IL2RB: variants seen among roughly 807,000 people sequenced by gnomAD.
IL2RB encodes the protein interleukin 2 receptor subunit beta.
In IL2RB, 17 loss-of-function variants were observed where a neutral mutation model predicts 44.2. The ratio of observed to expected loss-of-function variants is 0.38; its 90% CI spans 0.26 to 0.58. The LOEUF is 0.58. IL2RB is among the 20% of genes least tolerant of loss of function. The pLI, the probability that IL2RB is intolerant of heterozygous loss-of-function variation, is 0.63. For synonymous variants in IL2RB, 286 were observed against 297.9 expected, an observed-to-expected ratio of 0.96 and a Z score of 0.41; for missense variants, 624 against 685.5, an observed-to-expected ratio of 0.91 and a Z score of 1.00.
chr22:37,149,884 C>A lies in IL2RB; in HGVS notation c.-93G>T, dbSNP rs1013698285. The A allele has an allele frequency of 9.1e-6, 9 of 985,508 alleles. No homozygotes were observed. Among genetic ancestry groups the A allele is most frequent in the Non-Finnish European group, 1.1e-5 (9 of 830,174 alleles). The allele number at this position is 985,508 out of a possible 1,614,324, so 61.0% of individuals were successfully genotyped here. ...CTCCAGTCCTCCCCGGTGCTGGGAC[C>A]GTGGCCATCTCTCCAGGGCCCTGCT... is the stretch of plus-strand genomic sequence containing the variant. On this transcript the variant is annotated 5_prime_UTR_variant, in exon 1 of 10. Coordinates refer to ENST00000216223, the MANE Select transcript of IL2RB (RefSeq NM_000878.5).
Position 37,128,637 on chromosome 22 carries a change from G to C in IL2RB, c.1115C>G (p.Ala372Gly), listed in dbSNP as rs1421215107. 2 of 1,614,132 alleles carry C rather than the reference G, an allele frequency of 1.2e-6. No homozygotes were observed. Residue 372 changes from alanine (A) to glycine (G), a missense_variant, in exon 10 of 10, where the codon GCC (alanine) becomes GGC (glycine). Physicochemically the swap from Ala to Gly is moderately conservative, Grantham distance 60. This residue lies in a region of IL2RB where 291 missense variants were observed against 275.5 expected (regional missense o/e 1.06). Transcript: ENST00000216223. The surrounding 1 kb of genome is among the most constrained non-coding windows in gnomAD (Gnocchi z 4.5). ...QGYFFFHLPDALEIEACQVYF... is the reference protein window; with the variant it reads ...QGYFFFHLPDGLEIEACQVYF... ...CACCTGGCAGGCCTCTATCTCCAAG[G>C]CATCCGGGAGGTGGAAGAAGAAGTA...
Position 37,128,657 on chromosome 22 carries a change from G to A in IL2RB, c.1095C>T (p.Phe365=). The A allele has an allele frequency of 6.2e-7, 1 of 1,614,186 alleles. No individual in the cohort carries two copies. Among genetic ancestry groups the A allele is most frequent in the Non-Finnish European group, 8.5e-7 (1 of 1,179,998 alleles). Reference sequence around the variant, plus strand: ...CCAAGGCATCCGGGAGGTGGAAGAAGAAGTAACCCTGGTTGGTGAAGCAGC... The same window carrying A: ...CCAAGGCATCCGGGAGGTGGAAGAAAAAGTAACCCTGGTTGGTGAAGCAGC... ...LTSCFTNQGY[F]FFHLPDALEI... Residue 365 remains phenylalanine (F), a synonymous_variant, in exon 10 of 10, where the codon TTC becomes TTT. Transcript: ENST00000216223. The surrounding 1 kb of genome is among the most constrained non-coding windows in gnomAD (Gnocchi z 4.5).
At chr22:37,149,440 G>T (rs2146252931) in intron 1 of IL2RB, among the ~76,000 whole-genome samples, 1 of 152,282 alleles carries the variant, frequency 6.6e-6, no homozygotes, top group East Asian at 1.9e-4. Flanking sequence ...GGTCAGGAGG[G>T]GGCTCCCGCC....
chr22:37,134,021 C>T (rs3218358), intron 8 of IL2RB, among the ~76,000 whole-genome samples: 113 of 152,194 alleles, frequency 7.4e-4, no homozygotes, highest in African/African-American at 2.4e-3. Context: ...GCCCTGGCCA[C>T]GCCCCAGCCA....
At chr22:37,144,232 A>T (rs1922121350) in intron 1 of IL2RB, 27 bp from the exon 2 acceptor site, 10 of 1,516,060 alleles carry the variant, frequency 6.6e-6, no homozygotes, top group Non-Finnish European at 8.9e-6. Flanking sequence ...AAGAGAGAGC[A>T]CACGTAAATA....
intron 5 of IL2RB, 120 bp downstream of exon 5, chr22:37,138,997 G>T: frequency 1.5e-6 from 1 of 672,530 alleles, no homozygotes; most frequent in Non-Finnish European, 2.7e-6. Context: ...GCGGTGAGGT[G>T]ATCAGATGTG....
At chr22:37,132,031 G>A (rs1442191412) in intron 9 of IL2RB, among the ~76,000 whole-genome samples, 3 of 152,172 alleles carry the variant, frequency 2.0e-5, no homozygotes, top group Non-Finnish European at 4.4e-5. Context: ...ACTGCACCCA[G>A]CCTGATAGGG....
upstream of IL2RB, chr22:37,150,140 T>G (rs896330550): frequency 7.9e-6 from 1 of 127,120 alleles, no homozygotes; most frequent in Non-Finnish European, 1.7e-5. Flanking sequence ...AGACACACAT[T>G]GTCAAATAGG....
At chr22:37,136,684 C>T (rs1398757503) in intron 6 of IL2RB, among the ~76,000 whole-genome samples, 7 of 152,100 alleles carry the variant, frequency 4.6e-5, no homozygotes, top group Non-Finnish European at 8.8e-5. Context: ...CCTGAGCTGC[C>T]GCCCTCTCCC....
At chr22:37,144,997 A>G (rs1480104273) in intron 1 of IL2RB, among the ~76,000 whole-genome samples, 1 of 152,214 alleles carries the variant, frequency 6.6e-6, no homozygotes, top group African/African-American at 2.4e-5. Context: ...CAAACAAGTG[A>G]TGGAATAAAT....
chr22:37,148,676 C>A (rs1266322104), intron 1 of IL2RB, among the ~76,000 whole-genome samples: 3 of 152,136 alleles, frequency 2.0e-5, no homozygotes, highest in African/African-American at 4.8e-5. Context: ...GGTAGTTCAG[C>A]TTTTAGCCCT....
At chr22:37,173,395 C>T (rs567148081) in intron 1 of IL2RB, among the ~76,000 whole-genome samples, 1 of 152,116 alleles carries the variant, frequency 6.6e-6, no homozygotes, top group African/African-American at 2.4e-5. Context: ...AGGGCCAAGC[C>T]TATAGAATAG....
intron 1 of IL2RB, among the ~76,000 whole-genome samples, chr22:37,174,010 T>TCCCCA (rs1923370838): frequency 6.6e-6 from 1 of 152,118 alleles, no homozygotes; most frequent in Admixed American, 6.5e-5. Context: ...CAACAGCTTC[T>TCCCCA]CCCCACCCCA....
At chr22:37,135,831 C>A (rs556044634) in intron 7 of IL2RB, among the ~76,000 whole-genome samples, 2 of 152,254 alleles carry the variant, frequency 1.3e-5, no homozygotes, top group East Asian at 3.9e-4. Flanking sequence ...GGACAGGCGC[C>A]CAGCAGACCT....
Position 37,137,710 on chromosome 22 carries a change from G to A in IL2RB, c.414C>T (p.Leu138=), listed in dbSNP as rs763434888. ...TGTGGGTCTCCACGTGGACAACTTGGAGGGAGATGGGGGCCATCAGGCGAA... is the reference window on the plus strand; with the variant it reads ...TGTGGGTCTCCACGTGGACAACTTGAAGGGAGATGGGGGCCATCAGGCGAA... ...ENLRLMAPIS[L]QVVHVETHRC... is the part of the protein sequence containing the mutation. The change falls in exon 6 of 10, where the codon CTC becomes CTT. Residue 138 remains leucine, a synonymous_variant. Coordinates refer to ENST00000216223, the MANE Select transcript of IL2RB (RefSeq NM_000878.5). 1.9e-6 allele frequency: 3 copies of A among 1,613,984 alleles called. No homozygotes were observed. In the African/African-American group the frequency reaches 4.0e-5, roughly 22 times the overall value.
intron 9 of IL2RB, among the ~76,000 whole-genome samples, 154 bp downstream of exon 9, chr22:37,132,230 C>A (rs762001874): frequency 1.7e-4 from 26 of 152,142 alleles, no homozygotes; most frequent in Non-Finnish European, 3.4e-4. Flanking sequence ...ATGGAAAGTG[C>A]CAGAGCTGGA....
At chr22:37,133,705 CT>C (rs1434643142) in intron 8 of IL2RB, among the ~76,000 whole-genome samples, 1 of 152,242 alleles carries the variant, frequency 6.6e-6, no homozygotes, top group South Asian at 2.1e-4. Context: ...TCCTGTCCCA[CT>C]TCTGGGGAAA....
rs912497001 is a variant in IL2RB, at chr22:37,149,403, C to G, written c.-34+422G>C. Among the ~76,000 whole-genome samples the G allele has an allele frequency of 2.0e-5, 3 of 152,212 alleles. No homozygotes were observed. The East Asian group carries it at 5.8e-4, about 29-fold the overall frequency. On this transcript the variant is annotated intron_variant, in intron 1 of 9. Coordinates refer to ENST00000216223, the MANE Select transcript of IL2RB (RefSeq NM_000878.5). ...GAGCACGCAACACAGGGCTGCCTCC[C>G]CCGGTATATGGGCCCCACTCCACAG...
chr22:37,128,429 TG>T lies in IL2RB; in HGVS notation c.1322del (p.Pro441GlnfsTer91). ...CCCCACTGCCCCCAGGGGCAGTGCT[TG>T]GGGGGCTGGGGCCACCGAGGAGACT... ...SPSLLGGPSP[P>X]STAPGGSGAG... On this transcript the variant is annotated frameshift_variant, in exon 10 of 10. Coordinates refer to ENST00000216223, the MANE Select transcript of IL2RB (RefSeq NM_000878.5). LOFTEE classifies it low-confidence loss of function (END_TRUNC). The surrounding 1 kb of genome is among the most constrained non-coding windows in gnomAD (Gnocchi z 4.5). 6.5e-7 allele frequency: 1 copy of T among 1,531,574 alleles called. No individual in the cohort carries two copies. The highest frequency in any genetic ancestry group is 8.8e-7 in the Non-Finnish European group (1 of 1,137,308). The allele number at this position is 1,531,574 out of a possible 1,614,324, so 94.9% of individuals were successfully genotyped here. A position where few individuals can be genotyped will look rare whatever the true frequency, so the allele number is the denominator to read the frequency against.
Sources: gnomAD v4.1 joint callset for allele counts (sites outside exome capture counted in the v4.1 genomes callset) on GRCh38, gnomAD v4.1.1 for gene constraint, gnomAD v4.1.1 regional missense constraint, Gnocchi (gnomAD v3.1) non-coding constraint, MANE v1.5 for transcripts, NCBI Gene and HGNC (gene_info 2026-07-23, HGNC 2026-07-21) for gene names.